The following POLE variants were observed in gnomAD, a reference collection of about 807,000 sequenced individuals.
POLE encodes DNA polymerase epsilon, catalytic subunit.
A neutral mutation model predicts 279.2 loss-of-function variants in POLE; 188 were observed. The ratio of observed to expected loss-of-function variants is 0.67; its 90% confidence interval spans 0.60 to 0.76. POLE has a LOEUF of 0.76. POLE is among the 30% of genes least tolerant of loss of function. POLE has a pLI of 0.00. For missense variants in POLE, 2,703 were observed against 3,016.7 expected, an observed-to-expected ratio of 0.90 and a Z score of 2.44; for synonymous variants, 1,214 against 1,172.5, an observed-to-expected ratio of 1.04 and a Z score of -0.72.
intron 29 of POLE, among the ~76,000 whole-genome samples, chr12:132,656,020 T>A (rs2042527035): frequency 6.6e-6 from 1 of 151,502 alleles, no homozygotes; most frequent in East Asian, 1.9e-4. Flanking sequence ...AAAAAAAAAT[T>A]AAAAAAATAA....
intron 10 of POLE, 49 bp downstream of exon 10, chr12:132,676,045 T>A (rs1202664810): frequency 1.6e-6 from 2 of 1,235,962 alleles, no homozygotes; most frequent in East Asian, 4.6e-5. Context: ...GATCCACATG[T>A]CCGTTCTTCC....
Position 132,649,713 on chromosome 12 carries a change from T to C in POLE, c.3759A>G (p.Glu1253=). Residue 1253 remains glutamate, a synonymous_variant, in exon 30 of 49, where the codon GAA becomes GAG. Transcript: ENST00000320574. ...QDLTPTVPWQ[E]ILGQPPALGT... is the part of the protein sequence containing the mutation. The stretch of plus-strand genomic sequence containing the variant: ...CCAGGGCGGGAGGCTGCCCCAAGAT[T>C]TCCTGCCAGGGCACAGTCGGCGTGA... 1 of 1,614,126 alleles carries C rather than the reference T, an allele frequency of 6.2e-7. No individual in the cohort carries two copies. The highest frequency in any genetic ancestry group is 1.1e-5 in the South Asian group (1 of 91,078).
intron 6 of POLE, among the ~76,000 whole-genome samples, chr12:132,678,663 T>C (rs2043107829): frequency 6.6e-6 from 1 of 152,158 alleles, no homozygotes; most frequent in Non-Finnish European, 1.5e-5. Flanking sequence ...CCCACCATGG[T>C]CCTGATACTC....
chr12:132,663,100 T>G (rs948688266), intron 23 of POLE, among the ~76,000 whole-genome samples: 1 of 152,330 alleles, frequency 6.6e-6, no homozygotes, highest in South Asian at 2.1e-4. Flanking sequence ...CAGAAGCTTA[T>G]GGAGCAGCTG....
At chr12:132,663,879 A>G (rs1271631046) in intron 23 of POLE, 125 bp downstream of exon 23, 4 of 943,344 alleles carry the variant, frequency 4.2e-6, no homozygotes, top group Non-Finnish European at 6.5e-6. Flanking sequence ...AGGCTATAGA[A>G]AAGCAATGTG....
At chr12:132,627,826 A>T (rs4883542) in intron 45 of POLE, among the ~76,000 whole-genome samples, 54,038 of 152,002 alleles carry the variant, frequency 0.36, 10,170 homozygotes, top group East Asian at 0.69. Context: ...TGGCTGTGGC[A>T]ATTTCTTAAA....
In POLE at chr12:132,634,845, G is replaced by A. The variant is rs1565929174; in HGVS notation, c.5812-467C>T. Among the ~76,000 whole-genome samples the A allele has an allele frequency of 1.3e-5, 2 of 151,994 alleles. No homozygotes were observed. Among genetic ancestry groups the A allele is most frequent in the Non-Finnish European group, 1.5e-5 (1 of 67,970 alleles). Reference sequence around the variant, plus strand: ...CCACTGCCACCTGCCCTGACCACACGCTGATCCCCTCCTCAGAGCGGTCTA... The same window carrying A: ...CCACTGCCACCTGCCCTGACCACACACTGATCCCCTCCTCAGAGCGGTCTA... On this transcript the variant is annotated intron_variant, in intron 42 of 48. Transcript: ENST00000320574. This position sits in a 1 kb window ranked among gnomAD's most constrained non-coding sequence, Gnocchi z 4.0.
chr12:132,655,226 C>G (rs1250054561), intron 29 of POLE, among the ~76,000 whole-genome samples: 1 of 152,176 alleles, frequency 6.6e-6, no homozygotes, highest in African/African-American at 2.4e-5. Context: ...TAACTGCATA[C>G]TACAAATTTT....
chr12:132,650,722 A>C (rs2042403807), intron 29 of POLE: 1 of 152,234 alleles, frequency 6.6e-6, no homozygotes, highest in African/African-American at 2.4e-5. Flanking sequence ...TTTTGTAAGA[A>C]AGAAAATATT....
chr12:132,650,209 A>C, intron 29 of POLE: 1 of 305,280 alleles, frequency 3.3e-6, no homozygotes, highest in Non-Finnish European at 6.2e-6. Flanking sequence ...TGCCTCATAA[A>C]AACAAGCAAA....
chr12:132,648,653 A>T, intron 32 of POLE: 1 of 352,332 alleles, frequency 2.8e-6, no homozygotes, highest in Non-Finnish European at 5.1e-6. Context: ...ACGGAGACAG[A>T]GTTCACAATC....
intron 29 of POLE, among the ~76,000 whole-genome samples, chr12:132,654,576 T>C (rs2042492603): frequency 6.6e-6 from 1 of 152,148 alleles, no homozygotes; most frequent in Admixed American, 6.6e-5. Context: ...AAAAACTCTG[T>C]CCTGAAAAAG....
intron 10 of POLE, 43 bp downstream of exon 10, chr12:132,676,051 C>G: frequency 7.6e-7 from 1 of 1,308,954 alleles, no homozygotes; most frequent in Middle Eastern, 1.8e-4. Context: ...CATGTCCGTT[C>G]TTCCCACAAT....
Position 132,626,238 on chromosome 12 carries a change from T to C in POLE, c.6410A>G (p.Glu2137Gly). 1 of 1,613,816 alleles carries C rather than the reference T, an allele frequency of 6.2e-7. No individual in the cohort carries two copies. Among genetic ancestry groups the C allele is most frequent in the Non-Finnish European group, 8.5e-7 (1 of 1,180,016 alleles). ...TCGGAACTGGGCCTCCTCGGAGAAC[T>C]CGCCGACATCCACCAGGCGAAGCAG... ...RDLLRLVDVGEFSEEAQFRDP... is the reference protein window; with the variant it reads ...RDLLRLVDVGGFSEEAQFRDP... The change falls in exon 46 of 49, where the codon GAG (glutamate) becomes GGG (glycine). Residue 2137 changes from glutamate to glycine, a missense_variant. This residue lies in a region of POLE where 1,551 missense variants were observed against 1,686.1 expected (regional missense o/e 0.92). Transcript: ENST00000320574.
rs77860612 is a variant in POLE, at chr12:132,655,689, C to G, written c.3582+1447G>C. 7.4e-3 allele frequency among the ~76,000 whole-genome samples: 1,125 copies of G among 152,268 alleles called. 13 individuals carry two copies. Among genetic ancestry groups the G allele is most frequent in the African/African-American group, 0.026 (1,071 of 41,546 alleles). ...AGTATATATTTCCAGAGAATTGTGACTTTCAGTATTATGTAACAATAGTCC... is the reference window on the plus strand; with the variant it reads ...AGTATATATTTCCAGAGAATTGTGAGTTTCAGTATTATGTAACAATAGTCC... On this transcript the variant is annotated intron_variant, in intron 29 of 48. Transcript: ENST00000320574.
intron 12 of POLE, 94 bp from the exon 13 acceptor site, chr12:132,673,801 T>C (rs2042985349): frequency 6.8e-7 from 1 of 1,473,908 alleles, no homozygotes; most frequent in African/African-American, 1.4e-5. Context: ...CACAGACAGA[T>C]GCAAGTTCCT....
chr12:132,669,256 G>A (rs1233785074), intron 16 of POLE, among the ~76,000 whole-genome samples: 2 of 152,088 alleles, frequency 1.3e-5, no homozygotes, highest in African/African-American at 4.8e-5. Flanking sequence ...CTTGAGCCCA[G>A]GAGTTCGAGA....
chr12:132,635,885 C>A lies in POLE; in HGVS notation c.5811+7G>T. 1 of 1,607,546 alleles carries A rather than the reference C, an allele frequency of 6.2e-7. No homozygotes were observed. The highest frequency in any genetic ancestry group is 8.5e-7 in the Non-Finnish European group (1 of 1,175,996). On this transcript the variant is annotated splice_region_variant and intron_variant, in intron 42 of 48. Coordinates refer to ENST00000320574, the MANE Select transcript of POLE (RefSeq NM_006231.4). ...CTGGCTCGGGTGCCACACTGCAGCT[C>A]GCTTACCAGTCCACAGTGAATACGA...
In POLE at chr12:132,634,502, G is replaced by A. The variant is rs866467568; in HGVS notation, c.5812-124C>T. The A allele has an allele frequency of 4.5e-6, 4 of 887,532 alleles. No individual in the cohort carries two copies. Among genetic ancestry groups the A allele is most frequent in the Admixed American group, 2.2e-5 (1 of 44,648 alleles). 55.0% of individuals were successfully genotyped at this position (887,532 alleles called of 1,614,324 possible). A position where few individuals can be genotyped will look rare whatever the true frequency, so the allele number is the denominator to read the frequency against. Reference sequence around the variant, plus strand: ...CCCCGTTTGACCAGAGGCCTTCCTCGCAGTCAAGGCATCCCCTGGAGCCTG... The same window carrying A: ...CCCCGTTTGACCAGAGGCCTTCCTCACAGTCAAGGCATCCCCTGGAGCCTG... On this transcript the variant is annotated intron_variant, in intron 42 of 48. Transcript: ENST00000320574. This position sits in a 1 kb window ranked among gnomAD's most constrained non-coding sequence, Gnocchi z 4.0.
Sources: allele counts gnomAD v4.1 joint callset (sites outside exome capture counted in the v4.1 genomes callset), GRCh38; gene constraint gnomAD v4.1.1; regional missense constraint gnomAD v4.1.1; non-coding constraint Gnocchi (gnomAD v3.1); transcripts MANE v1.5; gene names NCBI Gene and HGNC (gene_info 2026-07-23, HGNC 2026-07-21).